Variants in TNNI3K observed in about 807,000 individuals in gnomAD.
TNNI3K encodes the protein TNNI3 interacting kinase.
A neutral mutation model predicts 114.5 loss-of-function variants in TNNI3K; 140 were observed. The ratio of observed to expected loss-of-function variants is 1.22; its 90% CI spans 1.07 to 1.41. The LOEUF is 1.41. Ranked by LOEUF, TNNI3K falls within the 40% of genes most tolerant of loss-of-function variation. TNNI3K has a pLI of 0.00. For missense variants in TNNI3K, 1,125 were observed against 1,007.6 expected, an observed-to-expected ratio of 1.12 and a Z score of -1.58; for synonymous variants, 347 against 347.5, an observed-to-expected ratio of 1.00 and a Z score of 0.02.
intron 17 of TNNI3K, among the ~76,000 whole-genome samples, chr1:74,414,693 T>C (rs755343196): frequency 1.3e-5 from 2 of 152,194 alleles, no homozygotes; most frequent in African/African-American, 2.4e-5. Context: ...AGCAAATCAA[T>C]AGGTACCAAA....
chr1:74,366,810 A>G (rs1662296262), intron 11 of TNNI3K: 1 of 153,164 alleles, frequency 6.5e-6, no homozygotes, highest in African/African-American at 2.4e-5. Context: ...GCATAATACT[A>G]CAATACTGAA....
chr1:74,471,298 TCTGA>T (rs1307236139), intron 21 of TNNI3K: 11 of 400,544 alleles, frequency 2.7e-5, no homozygotes, highest in East Asian at 1.1e-4. Context: ...GTTGCTACTC[TCTGA>T]CTGTTGAAGA....
At chr1:74,398,057 A>T (rs1664178472) in intron 17 of TNNI3K, among the ~76,000 whole-genome samples, 2 of 152,260 alleles carry the variant, frequency 1.3e-5, no homozygotes, top group Admixed American at 6.5e-5. Flanking sequence ...CTTCCAGCAG[A>T]GGTAACCACA....
chr1:74,540,169 T>A, intron 23 of TNNI3K, 65 bp from the exon 24 acceptor site: 3 of 1,557,374 alleles, frequency 1.9e-6, no homozygotes, highest in African/African-American at 1.4e-5. Context: ...GGAAAAATTC[T>A]GTGTTTATAA....
chr1:74,522,988 G>A (rs1646454455), intron 23 of TNNI3K, among the ~76,000 whole-genome samples: 1 of 152,172 alleles, frequency 6.6e-6, no homozygotes, highest in Non-Finnish European at 1.5e-5. Context: ...AATGAGAGGG[G>A]AAACCCCATG....
intron 17 of TNNI3K, among the ~76,000 whole-genome samples, chr1:74,395,402 G>A (rs540423037): frequency 1.3e-5 from 2 of 152,194 alleles, no homozygotes; most frequent in African/African-American, 4.8e-5. Context: ...GATTTAGGTG[G>A]CCTGCTCTGC....
At chr1:74,428,441 A>T (rs1341572) in intron 17 of TNNI3K, among the ~76,000 whole-genome samples, 1 of 152,234 alleles carries the variant, frequency 6.6e-6, no homozygotes, top group East Asian at 1.9e-4. Flanking sequence ...GTAGTGAAGA[A>T]CTGCCTTCAA....
intron 17 of TNNI3K, among the ~76,000 whole-genome samples, chr1:74,413,680 C>A (rs12028841): frequency 6.6e-6 from 1 of 151,956 alleles, no homozygotes; most frequent in Admixed American, 6.6e-5. Flanking sequence ...TGAATACAAG[C>A]GCCGAAAATT....
rs186883125 is a variant in TNNI3K at position 74,503,222 on chromosome 1, G to C, written c.2351+10956G>C. Among the ~76,000 whole-genome samples, 20 of 152,238 alleles carry C rather than the reference G, an allele frequency of 1.3e-4. No homozygotes were observed. The Middle Eastern group carries it at 0.01, about 78-fold the overall frequency. On this transcript the variant is annotated intron_variant, in intron 23 of 24. Transcript: ENST00000326637. ...TTTCAGGGCCAGAAATGAAGAAAAA[G>C]ACCACTCTTTCTCATGCATAAATAC...
chr1:74,465,045 T>G (rs908778004), intron 21 of TNNI3K: 53 of 1,036,472 alleles, frequency 5.1e-5, no homozygotes, highest in Non-Finnish European at 6.0e-5. Context: ...AGTGTGAACC[T>G]CAGAAAAAGT....
chr1:74,492,018 A>C (rs778155252), intron 22 of TNNI3K, 79 bp from the exon 23 acceptor site: 3 of 1,383,594 alleles, frequency 2.2e-6, no homozygotes. Flanking sequence ...TGGAATAGAA[A>C]GTTAAATCCA....
chr1:74,511,743 A>G (rs940465831), intron 23 of TNNI3K, among the ~76,000 whole-genome samples: 8 of 151,956 alleles, frequency 5.3e-5, no homozygotes, highest in Admixed American at 1.3e-4. Context: ...TGAGCCTGAG[A>G]AGAGTCAAGG....
At chr1:74,498,121 A>G (rs1479262131) in intron 23 of TNNI3K, among the ~76,000 whole-genome samples, 6 of 152,244 alleles carry the variant, frequency 3.9e-5, no homozygotes, top group Non-Finnish European at 8.8e-5. Flanking sequence ...TATCTTACAC[A>G]AAATGACAAT....
At position 74,326,814 on chromosome 1, in the gene TNNI3K, A is replaced by G. The variant is rs1659929318; in HGVS notation, c.445-4636A>G. ...AGAGAAGGGAAGACATTCTAAAAAG[A>G]AAAAGCAGGCTCATGCCTGTAATCC... On this transcript the variant is annotated intron_variant, in intron 5 of 24. Coordinates refer to ENST00000326637, the MANE Select transcript of TNNI3K (RefSeq NM_015978.3). 1.3e-5 allele frequency among the ~76,000 whole-genome samples: 2 copies of G among 152,112 alleles called. 1 individual carries two copies. Among genetic ancestry groups the G allele is most frequent in the South Asian group, 4.1e-4 (2 of 4,822 alleles).
intron 1 of TNNI3K, 60 bp from the exon 2 acceptor site, chr1:74,236,042 C>T: frequency 7.6e-7 from 1 of 1,307,350 alleles, no homozygotes; most frequent in Non-Finnish European, 1.1e-6. Context: ...ATGTTATGAT[C>T]TGTGTCTACA....
At chr1:74,518,874 C>CTTTTTTTTTTTTT (rs1327871291) in intron 23 of TNNI3K, among the ~76,000 whole-genome samples, 2 of 29,052 alleles carry the variant, frequency 6.9e-5, no homozygotes, top group Non-Finnish European at 1.2e-4. Flanking sequence ...TTTTTTTCCC[C>CTTTTTTTTTTTTT]TTTTTTTTTT....
chr1:74,431,862 T>C lies in TNNI3K; in HGVS notation c.1773-4218T>C, dbSNP rs1193321483. 2.0e-5 allele frequency among the ~76,000 whole-genome samples: 3 copies of C among 152,142 alleles called. No homozygotes were observed. The East Asian group carries it at 5.8e-4, about 29-fold the overall frequency. On this transcript the variant is annotated intron_variant, in intron 17 of 24. Transcript: ENST00000326637. ...GCAAGTTAGCAAACAGCATGGAGTA[T>C]AGAAATCACACTTATTTAGATGAAA... is the stretch of plus-strand genomic sequence containing the variant.
intron 17 of TNNI3K, among the ~76,000 whole-genome samples, chr1:74,411,026 G>T (rs1664854358): frequency 6.6e-6 from 1 of 152,104 alleles, no homozygotes; most frequent in Non-Finnish European, 1.5e-5. Context: ...AGCATACATT[G>T]CATGCTAAGT....
intron 5 of TNNI3K, among the ~76,000 whole-genome samples, chr1:74,298,696 C>A (rs115242281): frequency 0.047 from 7,074 of 152,088 alleles, 204 homozygotes; most frequent in Non-Finnish European, 0.055. Context: ...TTCACACATA[C>A]TATATATAAT....
Sources: allele counts gnomAD v4.1 joint callset (sites outside exome capture counted in the v4.1 genomes callset), GRCh38; gene constraint gnomAD v4.1.1; transcripts MANE v1.5; gene names NCBI Gene and HGNC (gene_info 2026-07-23, HGNC 2026-07-21).